The following CEP112 variants were observed in gnomAD, a reference collection of about 807,000 sequenced individuals.
CEP112 encodes the protein centrosomal protein 112, also known as centrosomal protein of 112 kDa.
A neutral mutation model predicts 153.0 loss-of-function variants in CEP112; 127 were observed. That is an observed-to-expected ratio of 0.83 (90% CI 0.72 to 0.96). The LOEUF is 0.96. Ranked by LOEUF, CEP112 falls within the 40% of genes least tolerant of loss-of-function variation. CEP112 has a pLI of 0.00. For synonymous variants in CEP112, 358 were observed against 374.4 expected (o/e 0.96, Z 0.51); for missense variants, 1,089 against 1,101.2 (o/e 0.99, Z 0.16).
intron 9 of CEP112, 63 bp downstream of exon 9, chr17:66,069,849 GATC>G: frequency 1.2e-6 from 1 of 854,246 alleles, no homozygotes; most frequent in Non-Finnish European, 1.9e-6. Flanking sequence ...TAACTGGATG[GATC>G]ATCATAAAAC....
intron 21 of CEP112, among the ~76,000 whole-genome samples, chr17:65,811,835 C>T (rs1326771846): frequency 6.6e-6 from 1 of 152,016 alleles, no homozygotes; most frequent in East Asian, 1.9e-4. Context: ...AACTAAAGAG[C>T]CTGGCTTTTC....
At chr17:65,776,898 A>T (rs956093835) in intron 21 of CEP112, among the ~76,000 whole-genome samples, 2 of 152,190 alleles carry the variant, frequency 1.3e-5, no homozygotes, top group African/African-American at 4.8e-5. Context: ...CAATTAATAC[A>T]ATCTTTGCCA....
chr17:65,977,566 GGA>G (rs1464871989), intron 17 of CEP112, among the ~76,000 whole-genome samples: 4 of 152,294 alleles, frequency 2.6e-5, no homozygotes, highest in African/African-American at 9.6e-5. Context: ...GGCAGAGAAG[GGA>G]AGATGGTCCT....
chr17:65,977,511 G>T (rs8074896), intron 17 of CEP112, among the ~76,000 whole-genome samples: 151,714 of 152,306 alleles, frequency 1, 75,563 homozygotes, highest in Middle Eastern at 1. Flanking sequence ...ACAAAATGAT[G>T]CGGCTGCCTT....
chr17:66,057,974 T>C (rs1262471289), intron 11 of CEP112, among the ~76,000 whole-genome samples: 1 of 152,074 alleles, frequency 6.6e-6, no homozygotes, highest in Non-Finnish European at 1.5e-5. Flanking sequence ...ACACCTGTTA[T>C]TCCAGCTACT....
At chr17:65,906,214 C>A (rs2060073457) in intron 19 of CEP112, among the ~76,000 whole-genome samples, 1 of 134,090 alleles carries the variant, frequency 7.5e-6, no homozygotes, top group Non-Finnish European at 1.5e-5. Context: ...GGGAGCTGAA[C>A]AATGAGAACA....
intron 17 of CEP112, among the ~76,000 whole-genome samples, chr17:65,981,048 T>G (rs1411716222): frequency 6.6e-6 from 1 of 152,134 alleles, no homozygotes; most frequent in Non-Finnish European, 1.5e-5. Context: ...ACTCCTGACC[T>G]CAGGTGATCC....
intron 4 of CEP112, among the ~76,000 whole-genome samples, chr17:66,139,896 C>G (rs1413655159): frequency 6.6e-6 from 1 of 152,126 alleles, no homozygotes; most frequent in Non-Finnish European, 1.5e-5. Context: ...CCATTCAAAA[C>G]ACTGAAGAGG....
chr17:66,062,915 T>C, intron 11 of CEP112, 48 bp downstream of exon 11: 1 of 915,844 alleles, frequency 1.1e-6, no homozygotes, highest in Non-Finnish European at 1.7e-6. Context: ...ATATGTTACT[T>C]GGAAGCATAA....
intron 21 of CEP112, among the ~76,000 whole-genome samples, chr17:65,820,912 C>T (rs1236753238): frequency 1.3e-5 from 2 of 151,904 alleles, no homozygotes; most frequent in African/African-American, 4.8e-5. Context: ...AGATATTTTC[C>T]ATGACCCGGG....
intron 21 of CEP112, among the ~76,000 whole-genome samples, chr17:65,833,962 T>C (rs2057195618): frequency 6.6e-6 from 1 of 152,174 alleles, no homozygotes; most frequent in Non-Finnish European, 1.5e-5. Flanking sequence ...ACTACAGGGC[T>C]ATATTAACCA....
Position 65,698,667 on chromosome 17 carries a change from T to C in CEP112, c.2608-9449A>G, listed in dbSNP as rs977444753. On this transcript the variant is annotated intron_variant, in intron 23 of 26. Coordinates refer to ENST00000535342, the MANE Select transcript of CEP112 (RefSeq NM_001199165.4). ...TCTACTCAGGAAATTCAAAGCACAT[T>C]CCCCCGCTTCGTGGCTCTAAACAGC... Among the ~76,000 whole-genome samples the C allele has an allele frequency of 4.0e-5, 6 of 151,694 alleles. No individual in the cohort carries two copies. In the South Asian group the frequency reaches 1.0e-3, roughly 27 times the overall value.
In CEP112 at chr17:66,171,728, C is replaced by T. The variant is rs150080094; in HGVS notation, c.470+3316G>A. Among the ~76,000 whole-genome samples, 649 of 152,236 alleles carry T rather than the reference C, an allele frequency of 4.3e-3. 8 individuals are homozygous for T. Among genetic ancestry groups the T allele is most frequent in the Admixed American group, 0.016 (244 of 15,298 alleles). ...AATGTCTTCATGTATGTAAAAACTA[C>T]AAATATCTGTTAACTAATGTAAATC... On this transcript the variant is annotated intron_variant, in intron 4 of 26. Coordinates refer to ENST00000535342, the MANE Select transcript of CEP112 (RefSeq NM_001199165.4).
At chr17:65,685,670 T>TG (rs1371047140) in intron 24 of CEP112, among the ~76,000 whole-genome samples, 1 of 142,324 alleles carries the variant, frequency 7.0e-6, no homozygotes, top group African/African-American at 2.6e-5. Flanking sequence ...AGTTCTAATT[T>TG]TTTTTTTTTT....
intron 5 of CEP112, among the ~76,000 whole-genome samples, chr17:66,130,696 A>T (rs1340352730): frequency 6.7e-6 from 1 of 148,490 alleles, no homozygotes; most frequent in Non-Finnish European, 1.5e-5. Context: ...GAATGGTGTG[A>T]ACCCGGGAGG....
At chr17:66,071,614 G>T (rs1024559581) in intron 8 of CEP112, among the ~76,000 whole-genome samples, 2 of 152,044 alleles carry the variant, frequency 1.3e-5, no homozygotes. Flanking sequence ...TATTGACCAA[G>T]TTAGGAATAA....
intron 10 of CEP112, among the ~76,000 whole-genome samples, chr17:66,066,413 G>A (rs557235032): frequency 1.0e-3 from 159 of 152,090 alleles, no homozygotes; most frequent in Admixed American, 2.0e-3. Context: ...TCCTCATGAA[G>A]GCCAGTAAGT....
At chr17:65,636,990 T>TA (rs1013516817) in intron 26 of CEP112, 134 bp downstream of exon 26, 1 of 674,766 alleles carries the variant, frequency 1.5e-6, no homozygotes, top group Non-Finnish European at 2.6e-6. Context: ...ACATGCTACT[T>TA]ACTAAAAACA....
At chr17:65,807,276 T>G in intron 21 of CEP112, among the ~76,000 whole-genome samples, 1 of 152,284 alleles carries the variant, frequency 6.6e-6, no homozygotes, top group Middle Eastern at 3.4e-3. Flanking sequence ...ATTGGCTGCT[T>G]CTAAAAGTGT....
Sources: gnomAD v4.1 joint callset for allele counts (sites outside exome capture counted in the v4.1 genomes callset) on GRCh38, gnomAD v4.1.1 for gene constraint, MANE v1.5 for transcripts, NCBI Gene and HGNC (gene_info 2026-07-23, HGNC 2026-07-21) for gene names.